The following HCN1 variants were observed in gnomAD, a reference collection of about 807,000 sequenced individuals.
HCN1 encodes the protein hyperpolarization activated cyclic nucleotide gated potassium channel 1.
HCN1 carries 13 observed loss-of-function variants against 78.9 expected under a neutral mutation model. That is an observed-to-expected ratio of 0.16 (90% CI 0.11 to 0.26). The LOEUF (loss-of-function observed/expected upper bound fraction) is 0.26. Ranked by LOEUF, HCN1 falls within the 10% of genes least tolerant of loss-of-function variation. The probability of loss-of-function intolerance (pLI) is 1.00; values close to 1 mark genes in which losing one functional copy is unlikely to be tolerated. For missense variants in HCN1, 810 were observed against 1,154.3 expected, an observed-to-expected ratio of 0.70 and a Z score of 4.32; for synonymous variants, 552 against 455.5, an observed-to-expected ratio of 1.21 and a Z score of -2.70.
At chr5:45,322,407 T>G (rs900110487) in intron 5 of HCN1, among the ~76,000 whole-genome samples, 1 of 151,824 alleles carries the variant, frequency 6.6e-6, no homozygotes, top group African/African-American at 2.4e-5. Flanking sequence ...GCTTTGTGCT[T>G]TCTCATGTAA....
chr5:45,392,902 T>C (rs1377235414), intron 4 of HCN1, among the ~76,000 whole-genome samples: 2 of 152,252 alleles, frequency 1.3e-5, no homozygotes, highest in African/African-American at 4.8e-5. Flanking sequence ...AAACTGAGAC[T>C]CAGCACATTC....
At chr5:45,435,184 A>G (rs2112080976) in intron 3 of HCN1, among the ~76,000 whole-genome samples, 1 of 152,192 alleles carries the variant, frequency 6.6e-6, no homozygotes, top group Admixed American at 6.5e-5. Flanking sequence ...CAAATCACTA[A>G]TTTATATATT....
intron 1 of HCN1, among the ~76,000 whole-genome samples, chr5:45,691,120 G>C (rs1739903729): frequency 6.6e-6 from 1 of 152,032 alleles, no homozygotes; most frequent in Non-Finnish European, 1.5e-5. Flanking sequence ...TGATCAAGCA[G>C]ATATAGTTGA....
At chr5:45,412,006 G>A (rs1197424825) in intron 3 of HCN1, among the ~76,000 whole-genome samples, 1 of 152,054 alleles carries the variant, frequency 6.6e-6, no homozygotes, top group African/African-American at 2.4e-5. Flanking sequence ...AGATCATAAA[G>A]GTGTCTTGCC....
intron 2 of HCN1, among the ~76,000 whole-genome samples, chr5:45,498,679 A>T (rs1742112476): frequency 6.6e-6 from 1 of 152,094 alleles, no homozygotes; most frequent in African/African-American, 2.4e-5. Context: ...TAGAGTTTCC[A>T]GTTTTTCTGC....
At chr5:45,347,170 C>T (rs1200106545) in intron 5 of HCN1, among the ~76,000 whole-genome samples, 1 of 152,182 alleles carries the variant, frequency 6.6e-6, no homozygotes, top group South Asian at 2.1e-4. Context: ...GACACAAAAA[C>T]TCCAGAGGAA....
chr5:45,561,215 T>C (rs1249189330), intron 2 of HCN1, among the ~76,000 whole-genome samples: 2 of 152,176 alleles, frequency 1.3e-5, no homozygotes, highest in East Asian at 3.8e-4. Context: ...ATATGTTTAG[T>C]TGATACTTAA....
At chr5:45,329,046 G>T (rs575277180) in intron 5 of HCN1, among the ~76,000 whole-genome samples, 1 of 151,686 alleles carries the variant, frequency 6.6e-6, no homozygotes, top group African/African-American at 2.4e-5. Context: ...GATAGGAGTG[G>T]TTTTGGAGAT....
intron 1 of HCN1, among the ~76,000 whole-genome samples, chr5:45,657,021 G>A (rs1469854888): frequency 1.3e-5 from 2 of 151,992 alleles, no homozygotes. Context: ...ATTATCTGAT[G>A]GAGCAGAATG....
At chr5:45,373,417 A>C (rs1747479167) in intron 4 of HCN1, among the ~76,000 whole-genome samples, 1 of 134,490 alleles carries the variant, frequency 7.4e-6, no homozygotes, top group South Asian at 2.2e-4. Flanking sequence ...AATATATTAT[A>C]ATATATATCC....
At chr5:45,640,469 G>A (rs1745430829) in intron 2 of HCN1, among the ~76,000 whole-genome samples, 1 of 151,978 alleles carries the variant, frequency 6.6e-6, no homozygotes, top group Non-Finnish European at 1.5e-5. Flanking sequence ...AAATTATCAT[G>A]AACAAATGCA....
At chr5:45,436,795 T>C (rs1564684) in intron 3 of HCN1, among the ~76,000 whole-genome samples, 45,542 of 152,056 alleles carry the variant, frequency 0.3, 7,067 homozygotes, top group East Asian at 0.47. Context: ...CAGTTATTTA[T>C]TTGACATATT....
At position 45,299,666 on chromosome 5, in the gene HCN1, A is replaced by C. The variant is rs565204634; in HGVS notation, c.1618+3933T>G. 1.5e-3 allele frequency among the ~76,000 whole-genome samples: 231 copies of C among 152,138 alleles called. 1 individual carries two copies. Among genetic ancestry groups the C allele is most frequent in the African/African-American group, 5.4e-3 (225 of 41,552 alleles). On this transcript the variant is annotated intron_variant, in intron 6 of 7. Transcript: ENST00000303230. ...AAGAAATAGAAAACCTGAGTATTTT[A>C]ATAACCACAAAATACAGGGAATCAA...
intron 4 of HCN1, among the ~76,000 whole-genome samples, chr5:45,376,134 TATA>T (rs1253492444): frequency 9.1e-6 from 1 of 109,448 alleles, no homozygotes; most frequent in Non-Finnish European, 1.7e-5. Context: ...TTATATAAAA[TATA>T]ATATATTATA....
At chr5:45,415,511 C>T (rs1454303118) in intron 3 of HCN1, among the ~76,000 whole-genome samples, 1 of 152,008 alleles carries the variant, frequency 6.6e-6, no homozygotes, top group Non-Finnish European at 1.5e-5. Context: ...ACTTGCAGTT[C>T]CCCAAACAAG....
intron 5 of HCN1, among the ~76,000 whole-genome samples, chr5:45,322,178 T>A (rs1419981500): frequency 6.6e-6 from 1 of 151,846 alleles, no homozygotes; most frequent in East Asian, 1.9e-4. Flanking sequence ...ACAATTAATT[T>A]AAAAAATGTA....
chr5:45,271,367 C>T (rs1744956871), intron 6 of HCN1, among the ~76,000 whole-genome samples: 1 of 147,636 alleles, frequency 6.8e-6, no homozygotes, highest in Admixed American at 6.7e-5. Flanking sequence ...GGTACACACA[C>T]ACACACACAC....
At chr5:45,467,830 C>T (rs1484725215) in intron 2 of HCN1, among the ~76,000 whole-genome samples, 1 of 152,074 alleles carries the variant, frequency 6.6e-6, no homozygotes, top group East Asian at 1.9e-4. Context: ...TCTCTCAATT[C>T]CTAAAAAACA....
intron 2 of HCN1, among the ~76,000 whole-genome samples, chr5:45,551,290 T>C (rs960996425): frequency 6.6e-6 from 1 of 151,812 alleles, no homozygotes; most frequent in Middle Eastern, 3.4e-3. Flanking sequence ...AAGTGAAAAA[T>C]ATATTATGCT....
Sources: gnomAD v4.1 joint callset for allele counts (sites outside exome capture counted in the v4.1 genomes callset) on GRCh38, gnomAD v4.1.1 for gene constraint, MANE v1.5 for transcripts, NCBI Gene and HGNC (gene_info 2026-07-23, HGNC 2026-07-21) for gene names.